Variants in PKHD1 observed in about 807,000 individuals in gnomAD.
The protein encoded by PKHD1 is fibrocystin.
A neutral mutation model predicts 412.0 loss-of-function variants in PKHD1; 291 were observed. The observed-to-expected ratio is 0.71, with a 90% CI of 0.64 to 0.78. The LOEUF (loss-of-function observed/expected upper bound fraction) is 0.78. Among genes scored for constraint, PKHD1 ranks in the 30% least tolerant of loss-of-function variants. The pLI is 0.00. For synonymous variants in PKHD1, 1,777 were observed against 1,821.5 expected (o/e 0.98, Z 0.62); for missense variants, 4,825 against 4,950.7 (o/e 0.97, Z 0.76).
chr6:52,027,817 A>T lies in PKHD1; in HGVS notation c.3628+12T>A. ...CTGGATAATTGATAACAGTCACATA[A>T]GAGCCACTCACCCAGCAGGGACCCA... On this transcript the variant is annotated intron_variant, in intron 31 of 66. Coordinates refer to ENST00000371117, the MANE Select transcript of PKHD1 (RefSeq NM_138694.4). The T allele has an allele frequency of 1.3e-6, 2 of 1,588,816 alleles. No individual in the cohort carries two copies. Among genetic ancestry groups the T allele is most frequent in the South Asian group, 1.1e-5 (1 of 90,624 alleles).
intron 60 of PKHD1, among the ~76,000 whole-genome samples, chr6:51,724,276 G>C (rs1455044911): frequency 1.3e-5 from 2 of 152,084 alleles, no homozygotes; most frequent in Non-Finnish European, 2.9e-5. Flanking sequence ...TGTTCAAAGG[G>C]AGTGATTTGC....
intron 5 of PKHD1, among the ~76,000 whole-genome samples, chr6:52,076,667 G>A (rs1047465711): frequency 1.4e-4 from 22 of 152,162 alleles, no homozygotes; most frequent in African/African-American, 5.3e-4. Flanking sequence ...AGAAGGAAAG[G>A]TAGACAGGTC....
At chr6:51,714,728 C>T (rs1443610625) in intron 60 of PKHD1, among the ~76,000 whole-genome samples, 1 of 152,060 alleles carries the variant, frequency 6.6e-6, no homozygotes, top group African/African-American at 2.4e-5. Context: ...TAAAAAGATA[C>T]ACAGGCAGAG....
At chr6:51,846,528 T>C (rs979683960) in intron 50 of PKHD1, among the ~76,000 whole-genome samples, 1 of 152,182 alleles carries the variant, frequency 6.6e-6, no homozygotes, top group Non-Finnish European at 1.5e-5. Context: ...TGAGCTGCGA[T>C]TGGAACAAGC....
intron 60 of PKHD1, among the ~76,000 whole-genome samples, chr6:51,706,424 T>C (rs1446829127): frequency 6.6e-6 from 1 of 151,790 alleles, no homozygotes; most frequent in Non-Finnish European, 1.5e-5. Context: ...TTGAAAATCC[T>C]TTCCCCACCC....
At chr6:51,826,982 G>T (rs1767420466) in intron 52 of PKHD1, among the ~76,000 whole-genome samples, 1 of 152,026 alleles carries the variant, frequency 6.6e-6, no homozygotes. Context: ...GAATAATGAT[G>T]GGAATGTTCT....
chr6:51,806,296 A>G (rs1763774880), intron 52 of PKHD1, among the ~76,000 whole-genome samples: 1 of 152,148 alleles, frequency 6.6e-6, no homozygotes, highest in African/African-American at 2.4e-5. Flanking sequence ...GAGAGAGGAA[A>G]TTAAAAAACA....
intron 19 of PKHD1, among the ~76,000 whole-genome samples, chr6:52,055,024 C>A (rs757098619): frequency 6.6e-6 from 1 of 152,142 alleles, no homozygotes; most frequent in Non-Finnish European, 1.5e-5. Flanking sequence ...GTGGAGCTAT[C>A]GAAGCAAAGG....
At chr6:52,002,446 C>A (rs569919638) in intron 35 of PKHD1, among the ~76,000 whole-genome samples, 2 of 152,206 alleles carry the variant, frequency 1.3e-5, no homozygotes, top group Non-Finnish European at 2.9e-5. Context: ...TCTCCTCCCC[C>A]TGAAGTAGGT....
chr6:51,764,614 C>CAT (rs1788658105), intron 55 of PKHD1, among the ~76,000 whole-genome samples: 1 of 150,696 alleles, frequency 6.6e-6, no homozygotes, highest in Admixed American at 6.6e-5. Flanking sequence ...CACATGCACA[C>CAT]GTATGTTTAT....
At chr6:51,764,365 T>C (rs986596528) in intron 55 of PKHD1, among the ~76,000 whole-genome samples, 1 of 149,134 alleles carries the variant, frequency 6.7e-6, no homozygotes, top group Admixed American at 6.8e-5. Flanking sequence ...CACTATGAGA[T>C]ACCATCTCAC....
At chr6:51,630,360 A>G (rs1323040634) in intron 65 of PKHD1, among the ~76,000 whole-genome samples, 1 of 152,206 alleles carries the variant, frequency 6.6e-6, no homozygotes, top group Non-Finnish European at 1.5e-5. Flanking sequence ...AGCTGCCAAG[A>G]GATTCCAGCT....
intron 60 of PKHD1, among the ~76,000 whole-genome samples, chr6:51,697,916 C>T (rs990109121): frequency 1.3e-5 from 2 of 152,142 alleles, no homozygotes; most frequent in African/African-American, 2.4e-5. Flanking sequence ...ACACTAAATA[C>T]ATTGCTGTTG....
At chr6:52,007,219 G>A (rs1368781312) in intron 35 of PKHD1, among the ~76,000 whole-genome samples, 1 of 152,194 alleles carries the variant, frequency 6.6e-6, no homozygotes, top group Non-Finnish European at 1.5e-5. Context: ...TAATGGGATT[G>A]CTGGATCAAA....
intron 11 of PKHD1, among the ~76,000 whole-genome samples, chr6:52,069,087 T>A (rs889340727): frequency 1.3e-5 from 2 of 152,216 alleles, no homozygotes; most frequent in Non-Finnish European, 2.9e-5. Flanking sequence ...ATATTAGTCA[T>A]AAATTATTGA....
intron 16 of PKHD1, 81 bp downstream of exon 16, chr6:52,058,242 G>A (rs1645131974): frequency 5.6e-6 from 8 of 1,422,300 alleles, no homozygotes; most frequent in Non-Finnish European, 6.9e-6. Context: ...CAGGTCGCCA[G>A]ACTCCCAGTC....
chr6:52,031,619 C>T (rs9382062), intron 29 of PKHD1, among the ~76,000 whole-genome samples: 63,437 of 152,080 alleles, frequency 0.42, 15,217 homozygotes, highest in Admixed American at 0.56. Context: ...CACTAATGGT[C>T]CTGCACATCA....
At chr6:51,852,595 G>A (rs1056065182) in intron 49 of PKHD1, among the ~76,000 whole-genome samples, 5 of 151,964 alleles carry the variant, frequency 3.3e-5, no homozygotes, top group African/African-American at 1.2e-4. Flanking sequence ...CTGTATTGGG[G>A]GCATGTATAT....
At chr6:51,906,128 T>G (rs112600607) in intron 41 of PKHD1, 87 bp downstream of exon 41, 2 of 1,098,758 alleles carry the variant, frequency 1.8e-6, no homozygotes, top group Non-Finnish European at 2.8e-6. Context: ...TTTTATAAAT[T>G]AGGAATTAGA....
Sources: allele counts gnomAD v4.1 joint callset (sites outside exome capture counted in the v4.1 genomes callset), GRCh38; gene constraint gnomAD v4.1.1; transcripts MANE v1.5; gene names NCBI Gene and HGNC (gene_info 2026-07-23, HGNC 2026-07-21).